The following TRAPPC9 variants were observed in gnomAD, a reference collection of about 807,000 sequenced individuals.
TRAPPC9 encodes trafficking protein particle complex subunit 9, also known as IKK2 binding protein.
A neutral mutation model predicts 124.0 loss-of-function variants in TRAPPC9; 83 were observed. That is an observed-to-expected ratio of 0.67 (90% CI 0.56 to 0.80). TRAPPC9 has a LOEUF of 0.80. Ranked by LOEUF, TRAPPC9 falls within the 30% of genes least tolerant of loss-of-function variation. The pLI, the probability that TRAPPC9 is intolerant of heterozygous loss-of-function variation, is 0.00. For missense variants in TRAPPC9, 1,302 were observed against 1,508.3 expected (o/e 0.86, Z 2.27); for synonymous variants, 638 against 617.5 (o/e 1.03, Z -0.49).
intron 15 of TRAPPC9, among the ~76,000 whole-genome samples, chr8:140,255,177 G>T (rs997002051): frequency 2.6e-5 from 4 of 152,196 alleles, no homozygotes; most frequent in Admixed American, 2.0e-4. Context: ...AGATCCAGGG[G>T]ACAGCGTCCT....
intron 17 of TRAPPC9, among the ~76,000 whole-genome samples, chr8:140,036,962 C>T (rs1030766904): frequency 2.6e-5 from 4 of 152,076 alleles, no homozygotes; most frequent in Non-Finnish European, 4.4e-5. Flanking sequence ...CTGTCACCTA[C>T]GTTAGGTATT....
chr8:140,347,477 C>T (rs904345286), intron 9 of TRAPPC9, among the ~76,000 whole-genome samples: 8 of 152,204 alleles, frequency 5.3e-5, no homozygotes, highest in Non-Finnish European at 1.0e-4. Flanking sequence ...CTCTTTCCAA[C>T]GAGGCCTCAT....
At chr8:139,845,873 CTTG>C (rs1466779032) in intron 21 of TRAPPC9, among the ~76,000 whole-genome samples, 1 of 152,202 alleles carries the variant, frequency 6.6e-6, no homozygotes, top group Non-Finnish European at 1.5e-5. Flanking sequence ...AGGCAGGATC[CTTG>C]TTGTCAAAGG....
intron 21 of TRAPPC9, among the ~76,000 whole-genome samples, chr8:139,734,274 C>T (rs557989445): frequency 6.6e-5 from 10 of 152,310 alleles, no homozygotes; most frequent in South Asian, 2.1e-4. Context: ...TTTAAGGGTA[C>T]GCAATTCTGA....
At chr8:140,010,080 TG>T (rs1296204098) in intron 18 of TRAPPC9, among the ~76,000 whole-genome samples, 1 of 152,232 alleles carries the variant, frequency 6.6e-6, no homozygotes, top group Non-Finnish European at 1.5e-5. Context: ...TATGACTTTT[TG>T]TAAGTCTTAT....
chr8:140,283,845 G>A (rs775151947), intron 14 of TRAPPC9, 44 bp downstream of exon 14: 2 of 1,605,784 alleles, frequency 1.2e-6, no homozygotes, highest in Admixed American at 1.7e-5. Flanking sequence ...GACCAAAAAT[G>A]ATGCCTCAGA....
At chr8:139,980,337 C>T (rs1412307054) in intron 19 of TRAPPC9, among the ~76,000 whole-genome samples, 2 of 152,206 alleles carry the variant, frequency 1.3e-5, no homozygotes, top group South Asian at 2.1e-4. Flanking sequence ...CTTTCTCTGC[C>T]TCCACTCTCA....
At chr8:140,178,105 T>C (rs1587863255) in intron 17 of TRAPPC9, among the ~76,000 whole-genome samples, 1 of 152,126 alleles carries the variant, frequency 6.6e-6, no homozygotes, top group East Asian at 1.9e-4. Context: ...TTTCTTCCTT[T>C]CCAATCTGGG....
At chr8:139,924,455 C>T (rs1170103029) in intron 19 of TRAPPC9, among the ~76,000 whole-genome samples, 1 of 152,216 alleles carries the variant, frequency 6.6e-6, no homozygotes, top group East Asian at 1.9e-4. Context: ...CTCCCTGGGC[C>T]CATGGACCTC....
chr8:139,927,285 C>T (rs1422117236), intron 19 of TRAPPC9, among the ~76,000 whole-genome samples: 1 of 151,840 alleles, frequency 6.6e-6, no homozygotes, highest in Non-Finnish European at 1.5e-5. Context: ...CACTCTGTTA[C>T]TCAAGCTGGA....
chr8:140,322,666 A>C (rs75703587), intron 9 of TRAPPC9, among the ~76,000 whole-genome samples: 1 of 138,278 alleles, frequency 7.2e-6, no homozygotes, highest in African/African-American at 2.9e-5. Flanking sequence ...CCATCTCTAC[A>C]AAAAAAAAAA....
At chr8:140,382,578 G>C (rs999328132) in intron 7 of TRAPPC9, among the ~76,000 whole-genome samples, 4 of 152,236 alleles carry the variant, frequency 2.6e-5, no homozygotes, top group Non-Finnish European at 5.9e-5. Context: ...ACAGCAGTCT[G>C]AGATCAAACT....
intron 16 of TRAPPC9, among the ~76,000 whole-genome samples, chr8:140,251,374 C>CAAA (rs1382948743): frequency 3.3e-5 from 5 of 152,122 alleles, no homozygotes; most frequent in Non-Finnish European, 5.9e-5. Flanking sequence ...ACACACCAAC[C>CAAA]AAAAAAATCC....
chr8:139,900,960 G>A (rs1269536880), intron 20 of TRAPPC9, among the ~76,000 whole-genome samples: 1 of 149,436 alleles, frequency 6.7e-6, no homozygotes, highest in Non-Finnish European at 1.5e-5. Context: ...AGGTGTGTGA[G>A]CCTCATCTCT....
chr8:140,268,811 C>A (rs1310884367), intron 15 of TRAPPC9, among the ~76,000 whole-genome samples: 1 of 152,190 alleles, frequency 6.6e-6, no homozygotes, highest in Non-Finnish European at 1.5e-5. Context: ...CGGGTGACTA[C>A]ACTTGAGGGC....
At chr8:140,409,008 C>G (rs886664531) in intron 5 of TRAPPC9, among the ~76,000 whole-genome samples, 1 of 152,096 alleles carries the variant, frequency 6.6e-6, no homozygotes, top group Non-Finnish European at 1.5e-5. Flanking sequence ...CATAAAAACT[C>G]AGCAAAATTA....
intron 16 of TRAPPC9, among the ~76,000 whole-genome samples, chr8:140,246,317 A>AT (rs1485853243): frequency 1.3e-5 from 2 of 152,114 alleles, no homozygotes; most frequent in African/African-American, 4.8e-5. Flanking sequence ...AGAACTGGTT[A>AT]TTTTTCTCTG....
intron 17 of TRAPPC9, among the ~76,000 whole-genome samples, chr8:140,120,260 A>G (rs1416116169): frequency 6.6e-6 from 1 of 152,186 alleles, no homozygotes; most frequent in Non-Finnish European, 1.5e-5. Flanking sequence ...AGTATGGTGT[A>G]ATTTCTTTTC....
At chr8:140,458,395 C>G, upstream of TRAPPC9, 1 of 1,597,846 alleles carries the variant, frequency 6.3e-7, no homozygotes, top group South Asian at 1.1e-5. Flanking sequence ...CTCACGGTAC[C>G]CCCCGTGACT....
Sources: allele counts gnomAD v4.1 joint callset (sites outside exome capture counted in the v4.1 genomes callset), GRCh38; gene constraint gnomAD v4.1.1; transcripts MANE v1.5; gene names NCBI Gene and HGNC (gene_info 2026-07-23, HGNC 2026-07-21).